The following ELFN2 variants were observed in gnomAD, a reference collection of about 807,000 sequenced individuals.
The protein encoded by ELFN2 is extracellular leucine rich repeat and fibronectin type III domain containing 2, also known as protein phosphatase 1 regulatory subunit 29.
In ELFN2, 17 loss-of-function variants were observed where a neutral mutation model predicts 45.5. The observed-to-expected ratio is 0.37, with a 90% CI of 0.26 to 0.56. The LOEUF (loss-of-function observed/expected upper bound fraction) is 0.56. Among genes scored for constraint, ELFN2 ranks in the 20% least tolerant of loss-of-function variants. The pLI is 0.77. For synonymous variants in ELFN2, 550 were observed against 551.5 expected, an observed-to-expected ratio of 1.00 and a Z score of 0.04; for missense variants, 922 against 1,183.2, an observed-to-expected ratio of 0.78 and a Z score of 3.24.
intron 2 of ELFN2, among the ~76,000 whole-genome samples, chr22:37,383,867 G>A (rs1344266185): frequency 2.6e-5 from 4 of 152,184 alleles, no homozygotes; most frequent in Non-Finnish European, 4.4e-5. Flanking sequence ...ATCTCCAGGT[G>A]TAACCTCAGC....
At chr22:37,381,548 C>T (rs1299288887) in intron 2 of ELFN2, among the ~76,000 whole-genome samples, 1 of 151,948 alleles carries the variant, frequency 6.6e-6, no homozygotes, top group Admixed American at 6.6e-5. Flanking sequence ...CTGACCCCCA[C>T]CTTCTCTAGC....
In ELFN2 at chr22:37,417,621, GCCCACGGCTGGGGGCAGGGGC is replaced by G. The variant is rs1320435079; in HGVS notation, c.-463+127_-463+147del. On this transcript the variant is annotated intron_variant, in intron 2 of 2. Transcript: ENST00000402918. This position sits in a 1 kb window ranked among gnomAD's most constrained non-coding sequence, Gnocchi z 4.5. ...GGAAGGAAAGCTGGGTGGGAGGGGT[GCCCACGGCTGGGGGCAGGGGC>G]CAGGCCCACAAGAAGGAACACACAG... is the stretch of plus-strand genomic sequence containing the variant. The G allele has an allele frequency of 6.6e-6, 1 of 152,476 alleles. No individual in the cohort carries two copies. Among genetic ancestry groups the G allele is most frequent in the Non-Finnish European group, 1.5e-5 (1 of 68,240 alleles). 9.4% of individuals were successfully genotyped at this position (152,476 alleles called of 1,614,324 possible). A position where few individuals can be genotyped will look rare whatever the true frequency, so the allele number is the denominator to read the frequency against.
chr22:37,400,219 G>A (rs544065843), intron 2 of ELFN2, among the ~76,000 whole-genome samples: 2 of 151,104 alleles, frequency 1.3e-5, no homozygotes, highest in African/African-American at 4.9e-5. Flanking sequence ...CCACCCCCTC[G>A]TGTCTACCCC....
At chr22:37,407,245 G>A (rs934574104) in intron 2 of ELFN2, among the ~76,000 whole-genome samples, 1 of 152,160 alleles carries the variant, frequency 6.6e-6, no homozygotes, top group Non-Finnish European at 1.5e-5. Flanking sequence ...GAAAGTCCTT[G>A]CCCCTCTGAA....
At chr22:37,343,030 A>C (rs1250880714) in intron 1 of ELFN2, among the ~76,000 whole-genome samples, 1 of 152,182 alleles carries the variant, frequency 6.6e-6, no homozygotes, top group Admixed American at 6.5e-5. Flanking sequence ...CATGGGGCTC[A>C]AGTCACAGAA....
chr22:37,415,535 G>A (rs928217429), intron 2 of ELFN2, among the ~76,000 whole-genome samples: 5 of 152,230 alleles, frequency 3.3e-5, no homozygotes, highest in Admixed American at 2.6e-4. Flanking sequence ...CTCCGGCCCC[G>A]TTCCTGTTAC....
chr22:37,388,155 A>G (rs1418997882), intron 2 of ELFN2, among the ~76,000 whole-genome samples: 1 of 151,966 alleles, frequency 6.6e-6, no homozygotes, highest in Non-Finnish European at 1.5e-5. Flanking sequence ...CAACCTGAGC[A>G]TGGCACTCCC....
chr22:37,348,536 T>C lies in ELFN2; in HGVS notation n.149-5833A>G, dbSNP rs1429930142. 1.3e-5 allele frequency among the ~76,000 whole-genome samples: 2 copies of C among 150,672 alleles called. 1 individual carries two copies. Among genetic ancestry groups the C allele is most frequent in the African/African-American group, 4.8e-5 (2 of 41,318 alleles). ...CTCCGAGCTGGTCAGTCCCATGGCC[T>C]TGCAGGGAAAAGCAAGGTCCGGAAG... On this transcript the variant is annotated intron_variant and non_coding_transcript_variant, in intron 1 of 2. Coordinates refer to ENST00000452946, the Ensembl canonical transcript of ELFN2.
chr22:37,410,169 C>T (rs142647126), intron 2 of ELFN2, among the ~76,000 whole-genome samples: 43 of 152,000 alleles, frequency 2.8e-4, no homozygotes, highest in African/African-American at 8.9e-4. Context: ...GGCAAACAGA[C>T]GGGGCAGGGC....
chr22:37,404,034 C>G (rs906610592), intron 2 of ELFN2, among the ~76,000 whole-genome samples: 2 of 152,186 alleles, frequency 1.3e-5, no homozygotes, highest in Non-Finnish European at 2.9e-5. Flanking sequence ...GGTGAGGGAA[C>G]CACGTATGTG....
intron 2 of ELFN2, among the ~76,000 whole-genome samples, chr22:37,386,118 C>T (rs1398947705): frequency 6.6e-6 from 1 of 152,152 alleles, no homozygotes; most frequent in African/African-American, 2.4e-5. Context: ...GTTTGGGACT[C>T]CTACTGGGGT....
At chr22:37,412,741 G>A (rs1024387919) in intron 2 of ELFN2, among the ~76,000 whole-genome samples, 6 of 152,222 alleles carry the variant, frequency 3.9e-5, no homozygotes, top group East Asian at 3.8e-4. Flanking sequence ...CTGGACTGGC[G>A]CGGCTGCCAG....
At chr22:37,349,031 C>G (rs1264935584) in intron 1 of ELFN2, among the ~76,000 whole-genome samples, 1 of 151,180 alleles carries the variant, frequency 6.6e-6, no homozygotes, top group Non-Finnish European at 1.5e-5. Context: ...GTCAGCAGGG[C>G]AGCCCACAGA....
chr22:37,372,907 G>T lies in ELFN2; in HGVS notation c.*165C>A, dbSNP rs1384816861. The T allele has an allele frequency of 3.0e-6, 2 of 676,368 alleles. No homozygotes were observed. The highest frequency in any genetic ancestry group is 4.9e-6 in the Non-Finnish European group (2 of 412,054). 41.9% of individuals were successfully genotyped at this position (676,368 alleles called of 1,614,324 possible). On this transcript the variant is annotated 3_prime_UTR_variant, in exon 3 of 3. Transcript: ENST00000402918. The surrounding 1 kb of genome is among the most constrained non-coding windows in gnomAD (Gnocchi z 4.4). Reference sequence around the variant, plus strand: ...GTCGGATGTTGGTTTGTTCACAGTCGGGTGGTGGTCAGGTGTGTGTGTGCG... The same window carrying T: ...GTCGGATGTTGGTTTGTTCACAGTCTGGTGGTGGTCAGGTGTGTGTGTGCG...
intron 2 of ELFN2, among the ~76,000 whole-genome samples, chr22:37,403,811 C>T (rs971098461): frequency 2.0e-5 from 3 of 152,252 alleles, no homozygotes; most frequent in Admixed American, 2.0e-4. Flanking sequence ...CGCACCTGCA[C>T]ACGCCGAGGA....
intron 1 of ELFN2, among the ~76,000 whole-genome samples, chr22:37,425,289 A>G (rs1177324708): frequency 1.3e-5 from 2 of 152,182 alleles, no homozygotes; most frequent in Non-Finnish European, 2.9e-5. Flanking sequence ...TCAGCAGCCA[A>G]TGGTGCTGAT....
At chr22:37,359,591 G>T (rs987142661) in intron 1 of ELFN2, among the ~76,000 whole-genome samples, 2 of 152,206 alleles carry the variant, frequency 1.3e-5, no homozygotes, top group African/African-American at 2.4e-5. Flanking sequence ...AGCTCTCAAG[G>T]CTTCCGTGCC....
In ELFN2 at chr22:37,372,794, T is replaced by G. The variant is rs1601744110; in HGVS notation, c.*278A>C. 3.1e-6 allele frequency: 1 copy of G among 324,460 alleles called. No homozygotes were observed. Among genetic ancestry groups the G allele is most frequent in the Non-Finnish European group, 5.6e-6 (1 of 177,890 alleles). 20.1% of individuals were successfully genotyped at this position (324,460 alleles called of 1,614,324 possible). A position where few individuals can be genotyped will look rare whatever the true frequency, so the allele number is the denominator to read the frequency against. On this transcript the variant is annotated 3_prime_UTR_variant, in exon 3 of 3. Coordinates refer to ENST00000402918, the MANE Select transcript of ELFN2 (RefSeq NM_052906.5). This position sits in a 1 kb window ranked among gnomAD's most constrained non-coding sequence, Gnocchi z 4.4. ...CCCGGCCCTGCACACCCCAGCAGAG[T>G]CCCTGGGCAGCACAGTAAAGACGAC...
intron 2 of ELFN2, among the ~76,000 whole-genome samples, chr22:37,388,996 T>A (rs548904555): frequency 5.2e-4 from 79 of 152,214 alleles, no homozygotes; most frequent in African/African-American, 1.8e-3. Flanking sequence ...GGGGAGGTAG[T>A]GGGAGAAGCA....
Sources: gnomAD v4.1 joint callset for allele counts (sites outside exome capture counted in the v4.1 genomes callset) on GRCh38, gnomAD v4.1.1 for gene constraint, Gnocchi (gnomAD v3.1) non-coding constraint, MANE v1.5 for transcripts, NCBI Gene and HGNC (gene_info 2026-07-23, HGNC 2026-07-21) for gene names.